GALNT9: variants seen among roughly 807,000 people sequenced by gnomAD.
GALNT9 encodes the protein polypeptide N-acetylgalactosaminyltransferase 9, also known as GalNAc transferase 9.
A neutral mutation model predicts 63.1 loss-of-function variants in GALNT9; 47 were observed. The observed-to-expected ratio is 0.75, with a 90% CI of 0.59 to 0.95. GALNT9 has a LOEUF of 0.95. GALNT9 is among the 40% of genes least tolerant of loss of function. GALNT9 has a pLI of 0.00. For missense variants in GALNT9, 829 were observed against 874.8 expected (o/e 0.95, Z 0.66); for synonymous variants, 396 against 365.7 (o/e 1.08, Z -0.94).
At chr12:132,260,878 G>C in intron 4 of GALNT9, 70 bp downstream of exon 4, 4 of 1,444,614 alleles carry the variant, frequency 2.8e-6, no homozygotes, top group Non-Finnish European at 3.6e-6. Context: ...GCAGCCGCAC[G>C]GCGGCTTAGG....
chr12:132,240,276 T>TG lies in GALNT9; in HGVS notation c.1077+7633dup, dbSNP rs2136898000. 7.2e-5 allele frequency among the ~76,000 whole-genome samples: 11 copies of TG among 152,212 alleles called. No homozygotes were observed. In the East Asian group the frequency reaches 2.1e-3, roughly 29 times the overall value. On this transcript the variant is annotated intron_variant, in intron 6 of 10. Transcript: ENST00000328957. ...ACCAAGTCAGGCGCCGCCATCGGGC[T>TG]GGGGGTCACCGTGCCCCTCCCTGTA...
chr12:132,207,111 C>T (rs2135510939), intron 6 of GALNT9, among the ~76,000 whole-genome samples: 1 of 152,320 alleles, frequency 6.6e-6, no homozygotes, highest in African/African-American at 2.4e-5. Flanking sequence ...ATCAAGTCTT[C>T]AGGGTGAGTC....
At chr12:132,253,631 T>C (rs368886357) in intron 5 of GALNT9, among the ~76,000 whole-genome samples, 4 of 152,278 alleles carry the variant, frequency 2.6e-5, no homozygotes, top group East Asian at 1.9e-4. Context: ...ACTTGTATTA[T>C]GATTATTCTT....
At chr12:132,215,677 C>T (rs999791767) in intron 6 of GALNT9, among the ~76,000 whole-genome samples, 3 of 152,224 alleles carry the variant, frequency 2.0e-5, no homozygotes, top group Non-Finnish European at 1.5e-5. Context: ...CCAACCAGCA[C>T]CCGGGTCCCA....
intron 6 of GALNT9, among the ~76,000 whole-genome samples, chr12:132,226,911 C>G (rs1877716478): frequency 6.7e-6 from 1 of 148,552 alleles, no homozygotes; most frequent in South Asian, 2.2e-4. Flanking sequence ...CCCACACACA[C>G]CATATACATA....
intron 2 of GALNT9, among the ~76,000 whole-genome samples, chr12:132,281,529 G>T (rs75293973): frequency 0.012 from 1,904 of 152,334 alleles, 37 homozygotes; most frequent in South Asian, 0.099. Context: ...AGGAGGCAGA[G>T]AGCTGTGTGC....
rs1212345763 is a variant in GALNT9 at position 132,296,427 on chromosome 12, G to A, written c.239-9997C>T. Reference sequence around the variant, plus strand: ...CCCGGATCTCATGGGTGTCTTCCTGGGCTGCGTGATATCAATCCCAAGTTT... The same window carrying A: ...CCCGGATCTCATGGGTGTCTTCCTGAGCTGCGTGATATCAATCCCAAGTTT... On this transcript the variant is annotated intron_variant, in intron 1 of 10. Coordinates refer to ENST00000328957, the MANE Select transcript of GALNT9 (RefSeq NM_001122636.2). The surrounding 1 kb of genome is among the most constrained non-coding windows in gnomAD (Gnocchi z 4.2). Among the ~76,000 whole-genome samples the A allele has an allele frequency of 6.6e-6, 1 of 152,220 alleles. No homozygotes were observed. Among genetic ancestry groups the A allele is most frequent in the Non-Finnish European group, 1.5e-5 (1 of 68,050 alleles).
At chr12:132,199,741 G>T (rs1160616030) in intron 8 of GALNT9, among the ~76,000 whole-genome samples, 1 of 152,252 alleles carries the variant, frequency 6.6e-6, no homozygotes, top group Non-Finnish European at 1.5e-5. Context: ...ACTGCTGGGG[G>T]ATGTGTTGTC....
chr12:132,285,087 G>A (rs956769673), intron 2 of GALNT9, among the ~76,000 whole-genome samples: 14 of 152,232 alleles, frequency 9.2e-5, no homozygotes, highest in African/African-American at 2.9e-4. Context: ...CAAGAATCCC[G>A]GTGTCAGGGT....
intron 1 of GALNT9, among the ~76,000 whole-genome samples, chr12:132,291,662 C>CGCCCACATCCACGGT (rs1405403849): frequency 2.0e-5 from 2 of 99,216 alleles, no homozygotes; most frequent in Non-Finnish European, 4.2e-5. Flanking sequence ...AGGTCCACAC[C>CGCCCACATCCACGGT]GCCCACATCC....
Position 132,252,156 on chromosome 12 carries a change from C to A in GALNT9, c.960-4129G>T, listed in dbSNP as rs547032115. Among the ~76,000 whole-genome samples the A allele has an allele frequency of 2.0e-4, 30 of 152,318 alleles. No individual in the cohort carries two copies. The South Asian group carries it at 6.2e-3, about 32-fold the overall frequency. On this transcript the variant is annotated intron_variant, in intron 5 of 10. Transcript: ENST00000328957. The surrounding 1 kb of genome is among the most constrained non-coding windows in gnomAD (Gnocchi z 5.2). ...GGGCAGCCACCTCCACAGGCCCAGG[C>A]AGTGAGGCCACACTCCTGCCTAGGA...
rs1878024731 is a variant in GALNT9 at position 132,236,918 on chromosome 12, G to A, written c.1077+10992C>T. 6.6e-6 allele frequency among the ~76,000 whole-genome samples: 1 copy of A among 152,188 alleles called. No individual in the cohort carries two copies. The highest frequency in any genetic ancestry group is 6.5e-5 in the Admixed American group (1 of 15,288). Reference sequence around the variant, plus strand: ...GGTGCTGGTCGTGTGGCCTCCCACAGCCTGGCTTCCTCCCGCAGGCCCCAC... The same window carrying A: ...GGTGCTGGTCGTGTGGCCTCCCACAACCTGGCTTCCTCCCGCAGGCCCCAC... On this transcript the variant is annotated intron_variant, in intron 6 of 10. Transcript: ENST00000328957. This position sits in a 1 kb window ranked among gnomAD's most constrained non-coding sequence, Gnocchi z 5.6.
chr12:132,225,065 C>T (rs1202757033), intron 6 of GALNT9, among the ~76,000 whole-genome samples: 3 of 133,258 alleles, frequency 2.3e-5, no homozygotes, highest in African/African-American at 5.9e-5. Context: ...TACACACCAC[C>T]CCCCCACACA....
intron 1 of GALNT9, among the ~76,000 whole-genome samples, chr12:132,311,788 G>A (rs28640242): frequency 0.54 from 81,498 of 151,962 alleles, 22,164 homozygotes; most frequent in East Asian, 0.65. Context: ...TGCGTCCTTC[G>A]TGTGCGTGCG....
intron 1 of GALNT9, among the ~76,000 whole-genome samples, chr12:132,317,616 A>G (rs1486585834): frequency 6.6e-6 from 1 of 152,250 alleles, no homozygotes; most frequent in Non-Finnish European, 1.5e-5. Context: ...TAATTTTGGT[A>G]AGCCTGTGTT....
rs1880587799 is a variant in GALNT9 at position 132,286,297 on chromosome 12, G to A, written c.372C>T (p.Ser124=). The A allele has an allele frequency of 4.5e-6, 7 of 1,551,092 alleles. No individual in the cohort carries two copies. Among genetic ancestry groups the A allele is most frequent in the African/African-American group, 2.7e-5 (2 of 73,040 alleles). ...YEEYGYNAQL[S]DRISLDRSIP... is the part of the protein sequence containing the mutation. ...TGCTCCGATCGAGGGAGATGCGGTC[G>A]CTGAGCTGAGCGTTGTAGCCGTACT... The change falls in exon 2 of 11, where the codon AGC becomes AGT. Residue 124 remains serine, a synonymous_variant. Transcript: ENST00000328957. The surrounding 1 kb of genome is among the most constrained non-coding windows in gnomAD (Gnocchi z 7.4).
At chr12:132,308,846 AT>A (rs879955331) in intron 1 of GALNT9, among the ~76,000 whole-genome samples, 340 of 151,704 alleles carry the variant, frequency 2.2e-3, no homozygotes, top group Middle Eastern at 0.01. Context: ...GGGGCTCGGG[AT>A]GGCCGCACTC....
Position 132,316,483 on chromosome 12 carries a change from C to T in GALNT9, c.238+12483G>A, listed in dbSNP as rs1471944429. On this transcript the variant is annotated intron_variant, in intron 1 of 10. Transcript: ENST00000328957. The surrounding 1 kb of genome is among the most constrained non-coding windows in gnomAD (Gnocchi z 4.3). ...TTCTCAACCTCAGATGACCTTGCTT[C>T]CTTCCTCCCTGGGAAACGGAGAATC... Among the ~76,000 whole-genome samples, 1 of 152,110 alleles carries T rather than the reference C, an allele frequency of 6.6e-6. No individual in the cohort carries two copies. Among genetic ancestry groups the T allele is most frequent in the African/African-American group, 2.4e-5 (1 of 41,388 alleles).
At chr12:132,226,974 C>A (rs1398354658) in intron 6 of GALNT9, among the ~76,000 whole-genome samples, 1 of 151,254 alleles carries the variant, frequency 6.6e-6, no homozygotes, top group African/African-American at 2.4e-5. Context: ...GTATACACAC[C>A]CCACACTGTA....
Sources: gnomAD v4.1 joint callset for allele counts (sites outside exome capture counted in the v4.1 genomes callset) on GRCh38, gnomAD v4.1.1 for gene constraint, Gnocchi (gnomAD v3.1) non-coding constraint, MANE v1.5 for transcripts, NCBI Gene and HGNC (gene_info 2026-07-23, HGNC 2026-07-21) for gene names.